MRPS9: variants seen among roughly 807,000 people sequenced by gnomAD.
MRPS9 encodes mitochondrial ribosomal protein S9, also known as small ribosomal subunit protein uS9m.
In MRPS9, 45 loss-of-function variants were observed where a neutral mutation model predicts 59.9. The ratio of observed to expected loss-of-function variants is 0.75; its 90% CI spans 0.59 to 0.96. MRPS9 has a LOEUF of 0.96. MRPS9 is among the 40% of genes least tolerant of loss of function. The probability of loss-of-function intolerance (pLI) is 0.00; values close to 1 mark genes in which losing one functional copy is unlikely to be tolerated. For synonymous variants in MRPS9, 171 were observed against 166.8 expected (o/e 1.03, Z -0.19); for missense variants, 473 against 481.1 (o/e 0.98, Z 0.16).
intron 6 of MRPS9, among the ~76,000 whole-genome samples, chr2:105,089,601 G>A (rs1213275333): frequency 3.9e-5 from 6 of 152,248 alleles, no homozygotes; most frequent in South Asian, 4.1e-4. Context: ...GGTTAACGTT[G>A]TATCTATAAC....
chr2:105,046,952 A>G (rs1379988082), intron 1 of MRPS9, among the ~76,000 whole-genome samples: 3 of 151,966 alleles, frequency 2.0e-5, no homozygotes. Context: ...GTGAAGCAAC[A>G]TTCTCCATTG....
At chr2:105,049,425 C>CCCTT in intron 2 of MRPS9, 75 bp downstream of exon 2, 1 of 1,250,342 alleles carries the variant, frequency 8.0e-7, no homozygotes, top group South Asian at 1.4e-5. Context: ...CTTCATGAGC[C>CCCTT]CCTTAGCTCT....
chr2:105,065,659 G>A (rs1039194000), intron 2 of MRPS9, among the ~76,000 whole-genome samples: 4 of 152,230 alleles, frequency 2.6e-5, no homozygotes, highest in African/African-American at 4.8e-5. Context: ...CCATGTTTTC[G>A]TGTTCACTGC....
At chr2:105,086,432 ATACTT>A (rs1446710291) in intron 5 of MRPS9, among the ~76,000 whole-genome samples, 1 of 152,224 alleles carries the variant, frequency 6.6e-6, no homozygotes, top group East Asian at 1.9e-4. Context: ...TCATAGAAGA[ATACTT>A]TAAGAAAAAT....
Position 105,089,011 on chromosome 2 carries a change from G to A in MRPS9, c.517G>A (p.Glu173Lys). Residue 173 changes from glutamate to lysine, a missense_variant, in exon 6 of 11, where the codon GAA becomes AAA. Glu to Lys is a moderately conservative substitution (Grantham distance 56). Coordinates refer to ENST00000258455, the MANE Select transcript of MRPS9 (RefSeq NM_182640.3). The part of the protein sequence containing the change: ...HDVYGMLLNL[E>K]KHQSHLQAKS... Reference sequence around the variant, plus strand: ...TGTATATGGAATGTTACTCAATTTAGAAAAACATCAAAGTCACTTGCAAGC... The same window carrying A: ...TGTATATGGAATGTTACTCAATTTAAAAAAACATCAAAGTCACTTGCAAGC... 6.2e-7 allele frequency: 1 copy of A among 1,611,430 alleles called. No homozygotes were observed.
At chr2:105,040,217 C>T (rs771320340) in intron 1 of MRPS9, among the ~76,000 whole-genome samples, 21 of 151,986 alleles carry the variant, frequency 1.4e-4, no homozygotes, top group Non-Finnish European at 2.9e-4. Flanking sequence ...CATTTTTTCA[C>T]TTCTGCCTCC....
chr2:105,040,951 T>C (rs531510137), intron 1 of MRPS9, among the ~76,000 whole-genome samples: 4 of 152,124 alleles, frequency 2.6e-5, no homozygotes, highest in Non-Finnish European at 5.9e-5. Context: ...AAGGAAGATA[T>C]AATAGGTGCA....
In MRPS9 at chr2:105,050,985, T is replaced by C. The variant is rs75867194; in HGVS notation, c.315+1635T>C. ...GATATACCACATTTTAAGAATTCAG[T>C]CATCAGTTGATGGGCATTTGGATTT... On this transcript the variant is annotated intron_variant, in intron 2 of 10. Transcript: ENST00000258455. Among the ~76,000 whole-genome samples, 98 of 152,354 alleles carry C rather than the reference T, an allele frequency of 6.4e-4. 1 individual carries two copies. The East Asian group carries it at 0.018, about 29-fold the overall frequency.
intron 2 of MRPS9, among the ~76,000 whole-genome samples, chr2:105,051,074 CAT>C (rs1485611508): frequency 2.0e-5 from 3 of 152,142 alleles, no homozygotes; most frequent in African/African-American, 7.2e-5. Context: ...CTTGTGTAGA[CAT>C]ATGTTTTTAT....
intron 1 of MRPS9, among the ~76,000 whole-genome samples, chr2:105,043,903 G>T (rs1009344256): frequency 2.0e-5 from 3 of 150,332 alleles, no homozygotes; most frequent in African/African-American, 4.9e-5. Flanking sequence ...GAAGTGCTGG[G>T]ATTACAGGCG....
intron 2 of MRPS9, among the ~76,000 whole-genome samples, chr2:105,050,326 G>C (rs1679687819): frequency 6.6e-6 from 1 of 152,130 alleles, no homozygotes; most frequent in African/African-American, 2.4e-5. Flanking sequence ...TTTTAGTACA[G>C]ATGGGGTTTT....
intron 4 of MRPS9, among the ~76,000 whole-genome samples, chr2:105,078,315 A>AGTGTGTGTGTGTGTGTGTGT (rs71250682): frequency 4.4e-4 from 65 of 147,466 alleles, no homozygotes; most frequent in African/African-American, 1.5e-3. Flanking sequence ...GGTGAAGTCA[A>AGTGTGTGTGTGTGTGTGTGT]GTGTGTGTGT....
At chr2:105,082,951 T>C (rs941254189) in intron 5 of MRPS9, among the ~76,000 whole-genome samples, 1 of 152,196 alleles carries the variant, frequency 6.6e-6, no homozygotes, top group African/African-American at 2.4e-5. Flanking sequence ...GTAATTTAAA[T>C]AAGAAGAAAT....
intron 10 of MRPS9, among the ~76,000 whole-genome samples, chr2:105,097,972 C>T (rs1008365643): frequency 6.6e-6 from 1 of 152,196 alleles, no homozygotes; most frequent in Non-Finnish European, 1.5e-5. Context: ...ACTGACATTA[C>T]GTAGCATGAG....
chr2:105,071,800 A>T (rs919078473), intron 4 of MRPS9, among the ~76,000 whole-genome samples: 1 of 152,236 alleles, frequency 6.6e-6, no homozygotes, highest in African/African-American at 2.4e-5. Context: ...ACTTCTGTTT[A>T]TATGAAAATT....
Position 105,049,268 on chromosome 2 carries a change from T to C in MRPS9, c.233T>C (p.Ile78Thr). The change falls in exon 2 of 11, where the codon ATT (isoleucine) becomes ACT (threonine). Residue 78 changes from isoleucine (I) to threonine (T), a missense_variant. Physicochemically the swap from Ile to Thr is moderately conservative, Grantham distance 89. Coordinates refer to ENST00000258455, the MANE Select transcript of MRPS9 (RefSeq NM_182640.3). ...ACAGAGGATTTTATTAAAAAGCAGA[T>C]TGAAGAGTTCAACATAGGAAAGAGA... ...TYTEDFIKKQ[I>T]EEFNIGKRHL... 6.2e-7 allele frequency: 1 copy of C among 1,613,134 alleles called. No individual in the cohort carries two copies. The highest frequency in any genetic ancestry group is 8.5e-7 in the Non-Finnish European group (1 of 1,179,660).
chr2:105,071,239 A>G (rs1037403709), intron 2 of MRPS9, 74 bp from the exon 3 acceptor site: 29 of 1,211,806 alleles, frequency 2.4e-5, no homozygotes, highest in African/African-American at 2.0e-4. Flanking sequence ...CAGCATATAG[A>G]AAGCACTCTA....
intron 2 of MRPS9, among the ~76,000 whole-genome samples, chr2:105,049,688 A>G (rs1435551692): frequency 1.3e-5 from 2 of 152,352 alleles, no homozygotes; most frequent in East Asian, 3.9e-4. Context: ...ATCAAGTCCC[A>G]TAAGTAAACC....
chr2:105,060,102 C>T (rs1679869371), intron 2 of MRPS9, among the ~76,000 whole-genome samples: 1 of 140,322 alleles, frequency 7.1e-6, no homozygotes, highest in African/African-American at 2.6e-5. Flanking sequence ...TCTTATATTT[C>T]TGAGCCTTCC....
Sources: gnomAD v4.1 joint callset for allele counts (sites outside exome capture counted in the v4.1 genomes callset) on GRCh38, gnomAD v4.1.1 for gene constraint, MANE v1.5 for transcripts, NCBI Gene and HGNC (gene_info 2026-07-23, HGNC 2026-07-21) for gene names.